The following OCM variants were observed in gnomAD, a reference collection of about 807,000 sequenced individuals.
OCM encodes oncomodulin, also known as oncomodulin-1.
Under a neutral mutation model 14.1 loss-of-function variants are expected in OCM, and 18 were observed. The ratio of observed to expected loss-of-function variants is 1.28; its 90% CI spans 0.88 to 1.89. The LOEUF (loss-of-function observed/expected upper bound fraction) is 1.89. OCM is among the 40% of genes most tolerant of loss of function. The pLI is 0.00. For missense variants in OCM, 140 were observed against 137.6 expected (o/e 1.02, Z -0.09); for synonymous variants, 48 against 51.0 (o/e 0.94, Z 0.25).
chr7:5,871,858 C>T, the OCM span: 2 of 152,146 alleles, frequency 1.3e-5, no homozygotes, highest in Admixed American at 1.3e-4. Flanking sequence ...CCGTTGCCAG[C>T]CTGGGCTGGT....
the OCM span, among the ~76,000 whole-genome samples, chr7:5,869,579 C>G: frequency 1.3e-5 from 2 of 152,092 alleles, no homozygotes; most frequent in African/African-American, 4.8e-5. Flanking sequence ...GCCATGGCAA[C>G]AGAGATTCCA....
At chr7:5,875,133 C>T (rs1781069954), upstream of OCM, among the ~76,000 whole-genome samples, 1 of 150,952 alleles carries the variant, frequency 6.6e-6, no homozygotes, top group Non-Finnish European at 1.5e-5. Context: ...TGGCTCACTG[C>T]AACCTCCACC....
At position 5,882,840 on chromosome 7, in the gene OCM, C is replaced by CT. The variant is rs10581848; in HGVS notation, c.194+235dup. Among the ~76,000 whole-genome samples, 1,012 of 119,464 alleles carry CT rather than the reference C, an allele frequency of 8.5e-3. 12 individuals are homozygous for CT. Among genetic ancestry groups the CT allele is most frequent in the Non-Finnish European group, 0.012 (722 of 58,998 alleles). 78.4% of individuals were successfully genotyped at this position (119,464 alleles called of 152,430 possible). A position where few individuals can be genotyped will look rare whatever the true frequency, so the allele number is the denominator to read the frequency against. ...AGAGAAGACTGCAGGTGCAAAGATTCTTTTTTTTTTTTTTTTTTTTGAGAC... is the reference window on the plus strand; with the variant it reads ...AGAGAAGACTGCAGGTGCAAAGATTCTTTTTTTTTTTTTTTTTTTTTGAGAC... On this transcript the variant is annotated intron_variant, in intron 2 of 3. Coordinates refer to ENST00000242104, the MANE Select transcript of OCM (RefSeq NM_001097622.2).
the OCM span, among the ~76,000 whole-genome samples, chr7:5,866,066 A>T: frequency 6.6e-6 from 1 of 151,980 alleles, no homozygotes; most frequent in East Asian, 1.9e-4. Flanking sequence ...CGTGCCTGCA[A>T]TCCTAGTGTC....
At chr7:5,860,524 A>C in the OCM span, among the ~76,000 whole-genome samples, 2 of 88,300 alleles carry the variant, frequency 2.3e-5, no homozygotes, top group African/African-American at 4.1e-5. Flanking sequence ...GTGTATATAT[A>C]CGTGTGTATA....
At chr7:5,869,662 C>G in the OCM span, among the ~76,000 whole-genome samples, 1 of 152,082 alleles carries the variant, frequency 6.6e-6, no homozygotes, top group East Asian at 1.9e-4. Flanking sequence ...TGATCTCATT[C>G]CCACCTGCAC....
At chr7:5,873,280 G>A in the OCM span, among the ~76,000 whole-genome samples, 6 of 152,096 alleles carry the variant, frequency 3.9e-5, no homozygotes, top group Non-Finnish European at 8.8e-5. Context: ...GGGAGGATGA[G>A]GCAGGAGAAT....
At chr7:5,874,470 A>AATACATAAT in the OCM span, among the ~76,000 whole-genome samples, 1 of 151,966 alleles carries the variant, frequency 6.6e-6, no homozygotes, top group Non-Finnish European at 1.5e-5. Context: ...TGCAACATAA[A>AATACATAAT]ATACATAATA....
chr7:5,880,922 C>T lies in OCM; in HGVS notation c.33C>T (p.Asp11=), dbSNP rs1163350491. 2.5e-6 allele frequency: 4 copies of T among 1,613,578 alleles called. No homozygotes were observed. MSITDVLSAD[D]IAAALQECRD... ...TCACGGACGTGCTCAGTGCTGACGA[C>T]ATTGCAGCAGCGCTCCAGGAATGCC... The change falls in exon 1 of 4, where the codon GAC becomes GAT. Residue 11 remains aspartate, a synonymous_variant. Coordinates refer to ENST00000242104, the MANE Select transcript of OCM (RefSeq NM_001097622.2).
chr7:5,882,190 T>G, intron 1 of OCM, among the ~76,000 whole-genome samples: 1 of 147,104 alleles, frequency 6.8e-6, no homozygotes, highest in Non-Finnish European at 1.5e-5. Context: ...CCAGGGATGC[T>G]GGGGGCTCAG....
the OCM span, among the ~76,000 whole-genome samples, chr7:5,867,394 T>C: frequency 6.6e-6 from 1 of 152,190 alleles, no homozygotes; most frequent in African/African-American, 2.4e-5. Flanking sequence ...GCTGCCTTTA[T>C]GACCTTCATC....
At chr7:5,872,787 G>A in the OCM span, among the ~76,000 whole-genome samples, 1 of 152,078 alleles carries the variant, frequency 6.6e-6, no homozygotes, top group Non-Finnish European at 1.5e-5. Context: ...CTTTGTTCAC[G>A]TGTTTATCTG....
rs1380095318 is a variant in OCM, at chr7:5,882,641, A to C, written c.194+16A>C. The C allele has an allele frequency of 2.5e-6, 4 of 1,613,664 alleles. No individual in the cohort carries two copies. The highest frequency in any genetic ancestry group is 3.4e-6 in the Non-Finnish European group (4 of 1,179,890). The stretch of plus-strand genomic sequence containing the variant: ...AAGAGCTTAAGTAAGCTTTGTCCTG[A>C]GTCTGTCTGGTACCCGGCACTGCTG... On this transcript the variant is annotated intron_variant, in intron 2 of 3. Transcript: ENST00000242104.
intron 2 of OCM, among the ~76,000 whole-genome samples, chr7:5,883,542 T>C (rs1334620701): frequency 6.6e-6 from 1 of 151,230 alleles, no homozygotes; most frequent in Non-Finnish European, 1.5e-5. Flanking sequence ...CAAATGTTAG[T>C]GGGGCATGGT....
the OCM span, among the ~76,000 whole-genome samples, chr7:5,866,069 C>G: frequency 6.6e-6 from 1 of 151,660 alleles, no homozygotes; most frequent in African/African-American, 2.4e-5. Flanking sequence ...GCCTGCAATC[C>G]TAGTGTCTGG....
At chr7:5,859,788 C>T in the OCM span, among the ~76,000 whole-genome samples, 1 of 152,040 alleles carries the variant, frequency 6.6e-6, no homozygotes, top group Non-Finnish European at 1.5e-5. Context: ...ACCTCCGCCT[C>T]CCGGGTTCAA....
chr7:5,875,875 G>A (rs370771596), upstream of OCM, among the ~76,000 whole-genome samples: 6 of 147,648 alleles, frequency 4.1e-5, no homozygotes, highest in East Asian at 3.9e-4. Context: ...TCACTGTGTC[G>A]CCCAGGCTGG....
At chr7:5,882,883 C>T (rs1781250923) in intron 2 of OCM, among the ~76,000 whole-genome samples, 1 of 149,862 alleles carries the variant, frequency 6.7e-6, no homozygotes. Flanking sequence ...CACTCTGTTG[C>T]CCAGGCTGGA....
intron 1 of OCM, among the ~76,000 whole-genome samples, chr7:5,882,274 A>C (rs1383522650): frequency 6.6e-6 from 1 of 151,952 alleles, no homozygotes; most frequent in Non-Finnish European, 1.5e-5. Flanking sequence ...GAAAATGGAC[A>C]AAACCAAGTG....
Sources: allele counts gnomAD v4.1 joint callset (sites outside exome capture counted in the v4.1 genomes callset), GRCh38; gene constraint gnomAD v4.1.1; transcripts MANE v1.5; gene names NCBI Gene and HGNC (gene_info 2026-07-23, HGNC 2026-07-21).